SLC24A2: variants seen among roughly 807,000 people sequenced by gnomAD.
SLC24A2 encodes the protein sodium/potassium/calcium exchanger 2.
In SLC24A2, 36 loss-of-function variants were observed where a neutral mutation model predicts 62.0. That is an observed-to-expected ratio of 0.58 (90% CI 0.44 to 0.77). The LOEUF (loss-of-function observed/expected upper bound fraction) is 0.77, where lower values mean the gene tolerates loss of function less well. SLC24A2 is among the 30% of genes least tolerant of loss of function. The probability of loss-of-function intolerance (pLI) is 0.00; values close to 1 mark genes in which losing one functional copy is unlikely to be tolerated. For synonymous variants in SLC24A2, 358 were observed against 294.0 expected, an observed-to-expected ratio of 1.22 and a Z score of -2.23; for missense variants, 846 against 817.9, an observed-to-expected ratio of 1.03 and a Z score of -0.42.
the SLC24A2 span, among the ~76,000 whole-genome samples, chr9:19,904,219 C>G: frequency 2.0e-5 from 3 of 152,240 alleles, no homozygotes; most frequent in Non-Finnish European, 2.9e-5. Flanking sequence ...AATCTGCACT[C>G]TGACAAGATG....
the SLC24A2 span, among the ~76,000 whole-genome samples, chr9:20,000,926 T>C: frequency 1.3e-5 from 2 of 152,192 alleles, no homozygotes; most frequent in African/African-American, 4.8e-5. Flanking sequence ...CTTGGAATTA[T>C]TGCTTTTTAA....
chr9:19,925,703 C>A, the SLC24A2 span, among the ~76,000 whole-genome samples: 2 of 152,186 alleles, frequency 1.3e-5, no homozygotes, highest in East Asian at 1.9e-4. Context: ...GGTTCCCTGA[C>A]TAGGGAGTGG....
the SLC24A2 span, among the ~76,000 whole-genome samples, chr9:20,272,667 A>G: frequency 6.6e-6 from 1 of 152,258 alleles, no homozygotes; most frequent in Admixed American, 6.5e-5. Flanking sequence ...TTGACTGATC[A>G]GGCAACTCAA....
intron 8 of SLC24A2, among the ~76,000 whole-genome samples, chr9:19,528,518 A>T (rs1488750376): frequency 6.6e-6 from 1 of 152,034 alleles, no homozygotes; most frequent in African/African-American, 2.4e-5. Context: ...TTTGCTCCAG[A>T]GTTTGTCAGA....
chr9:19,703,517 T>C (rs1820418250), intron 2 of SLC24A2, among the ~76,000 whole-genome samples: 2 of 152,220 alleles, frequency 1.3e-5, no homozygotes, highest in South Asian at 4.1e-4. Flanking sequence ...AGTAGGAAAG[T>C]ATGTTTTGAC....
chr9:20,260,845 C>CTTTTTTTT, the SLC24A2 span, among the ~76,000 whole-genome samples: 351 of 110,470 alleles, frequency 3.2e-3, 18 homozygotes, highest in Admixed American at 5.1e-3. Context: ...ACGTATCATT[C>CTTTTTTTT]TTTCTTTTTT....
In SLC24A2 at chr9:19,513,170, A is replaced by ATATG. The variant is rs1213065916; in HGVS notation, c.*2982_*2983insCATA. On this transcript the variant is annotated 3_prime_UTR_variant, in exon 11 of 11. Coordinates refer to ENST00000341998, the MANE Select transcript of SLC24A2 (RefSeq NM_020344.4). ...GGTATAAAGATATATATATATATAT[A>ATATG]TATATGTATATATATATATATGTAT... is the stretch of plus-strand genomic sequence containing the variant. 1.8e-4 allele frequency: 11 copies of ATATG among 60,070 alleles called. No individual in the cohort carries two copies. Among genetic ancestry groups the ATATG allele is most frequent in the African/African-American group, 6.4e-4 (10 of 15,614 alleles). 3.7% of individuals were successfully genotyped at this position (60,070 alleles called of 1,614,324 possible).
At chr9:19,948,430 C>T in the SLC24A2 span, among the ~76,000 whole-genome samples, 9 of 152,240 alleles carry the variant, frequency 5.9e-5, no homozygotes, top group South Asian at 1.9e-3. Context: ...ACAAAAGCTG[C>T]TTATCAACAT....
At chr9:19,921,395 C>T in the SLC24A2 span, among the ~76,000 whole-genome samples, 1 of 151,480 alleles carries the variant, frequency 6.6e-6, no homozygotes, top group African/African-American at 2.4e-5. Flanking sequence ...TGGTGGCGGG[C>T]GCCTGTAGTC....
At chr9:19,604,062 CAGAGT>C (rs1480678221) in intron 4 of SLC24A2, among the ~76,000 whole-genome samples, 1 of 152,210 alleles carries the variant, frequency 6.6e-6, no homozygotes, top group Non-Finnish European at 1.5e-5. Flanking sequence ...CAGCACCCAG[CAGAGT>C]AAAGGGGCAC....
the SLC24A2 span, among the ~76,000 whole-genome samples, chr9:20,024,157 C>T: frequency 4.6e-5 from 7 of 152,272 alleles, no homozygotes; most frequent in Admixed American, 2.6e-4. Flanking sequence ...TCCTGGGGTG[C>T]TTGCTTCAAA....
At chr9:19,606,329 T>C (rs1836982881) in intron 4 of SLC24A2, among the ~76,000 whole-genome samples, 2 of 152,228 alleles carry the variant, frequency 1.3e-5, no homozygotes, top group Non-Finnish European at 2.9e-5. Flanking sequence ...CCAATACTGG[T>C]TGTTATGGTC....
the SLC24A2 span, among the ~76,000 whole-genome samples, chr9:20,287,697 G>T: frequency 6.6e-6 from 1 of 152,196 alleles, no homozygotes; most frequent in Non-Finnish European, 1.5e-5. Context: ...CTACACCAAA[G>T]AACCTCACTG....
the SLC24A2 span, among the ~76,000 whole-genome samples, chr9:19,885,012 C>G: frequency 2.0e-5 from 3 of 152,176 alleles, no homozygotes; most frequent in Admixed American, 6.5e-5. Context: ...ACTGGCCATA[C>G]AGGAGGACTA....
intron 2 of SLC24A2, among the ~76,000 whole-genome samples, chr9:19,661,270 C>T (rs1819091971): frequency 6.6e-6 from 1 of 151,354 alleles, no homozygotes; most frequent in South Asian, 2.1e-4. Context: ...CCCATATTAA[C>T]ATATTTTTGC....
chr9:19,635,866 A>T (rs1818297149), intron 2 of SLC24A2, among the ~76,000 whole-genome samples: 1 of 152,332 alleles, frequency 6.6e-6, no homozygotes, highest in East Asian at 1.9e-4. Flanking sequence ...CAGGATATGG[A>T]CAGTCTTCTA....
In SLC24A2 at chr9:19,622,269, T is replaced by C. The variant is rs1587051985; in HGVS notation, c.961A>G (p.Thr321Ala). The change falls in exon 3 of 11, where the codon ACT becomes GCT. Residue 321 changes from threonine to alanine, a missense_variant. Thr to Ala is a moderately conservative substitution (Grantham distance 58). Transcript: ENST00000341998. ...PSAARDKDEP[T>A]LPAKPRLQRG... ...AAGCCACTGCTTCCTACCGGTAGAGTTGGTTCATCCTTGTCCCTGGCTGCA... is the reference window on the plus strand; with the variant it reads ...AAGCCACTGCTTCCTACCGGTAGAGCTGGTTCATCCTTGTCCCTGGCTGCA... 4 of 1,613,042 alleles carry C rather than the reference T, an allele frequency of 2.5e-6. No homozygotes were observed. In the East Asian group the frequency reaches 8.9e-5, roughly 36 times the overall value.
At chr9:19,530,987 C>T (rs958748028) in intron 8 of SLC24A2, among the ~76,000 whole-genome samples, 4 of 152,032 alleles carry the variant, frequency 2.6e-5, no homozygotes, top group African/African-American at 7.3e-5. Flanking sequence ...AAATATACCC[C>T]GCCATATACA....
intron 2 of SLC24A2, among the ~76,000 whole-genome samples, chr9:19,627,589 G>A (rs1024924049): frequency 5.9e-5 from 9 of 152,102 alleles, no homozygotes; most frequent in Non-Finnish European, 1.2e-4. Context: ...GCAGTGGTGC[G>A]ACCATAGCTC....
Sources: allele counts gnomAD v4.1 joint callset (sites outside exome capture counted in the v4.1 genomes callset), GRCh38; gene constraint gnomAD v4.1.1; transcripts MANE v1.5; gene names NCBI Gene and HGNC (gene_info 2026-07-23, HGNC 2026-07-21).